PARD3B: variants seen among roughly 807,000 people sequenced by gnomAD.
The protein encoded by PARD3B is par-3 family cell polarity regulator beta.
A neutral mutation model predicts 130.2 loss-of-function variants in PARD3B; 103 were observed. That is an observed-to-expected ratio of 0.79 (90% CI 0.67 to 0.93). The LOEUF (loss-of-function observed/expected upper bound fraction) is 0.93. Among genes scored for constraint, PARD3B ranks in the 40% least tolerant of loss-of-function variants. The pLI is 0.00. For synonymous variants in PARD3B, 583 were observed against 553.2 expected, an observed-to-expected ratio of 1.05 and a Z score of -0.76; for missense variants, 1,609 against 1,499.2, an observed-to-expected ratio of 1.07 and a Z score of -1.21.
chr2:204,727,208 TTTTA>T (rs2039275107), intron 2 of PARD3B, among the ~76,000 whole-genome samples: 1 of 152,176 alleles, frequency 6.6e-6, no homozygotes, highest in African/African-American at 2.4e-5. Context: ...TGTTTGTTTG[TTTTA>T]TTTGTTTATT....
At chr2:204,877,432 G>A (rs1457237806) in intron 2 of PARD3B, among the ~76,000 whole-genome samples, 1 of 152,146 alleles carries the variant, frequency 6.6e-6, no homozygotes, top group Non-Finnish European at 1.5e-5. Context: ...AGTACTCAGT[G>A]AGATGGAAAC....
At chr2:205,308,115 T>G (rs1308026975) in intron 18 of PARD3B, among the ~76,000 whole-genome samples, 4 of 152,230 alleles carry the variant, frequency 2.6e-5, no homozygotes, top group African/African-American at 9.6e-5. Flanking sequence ...CATTCATAAT[T>G]ATTTTTATGC....
chr2:205,236,986 A>G (rs770548348), intron 15 of PARD3B, among the ~76,000 whole-genome samples: 1 of 152,236 alleles, frequency 6.6e-6, no homozygotes, highest in Non-Finnish European at 1.5e-5. Context: ...CTGAGCAAAG[A>G]GGGAAAGGAA....
chr2:205,360,694 G>A lies in PARD3B; in HGVS notation c.2631-40319G>A, dbSNP rs1268017192. Among the ~76,000 whole-genome samples, 11 of 152,164 alleles carry A rather than the reference G, an allele frequency of 7.2e-5. No individual in the cohort carries two copies. In the East Asian group the frequency reaches 2.1e-3, roughly 29 times the overall value. Reference sequence around the variant, plus strand: ...GGCCAGGTGCATGGGCTCTGGGGCTGAACTGCCCAGGTCTGAATCCCAGGT... The same window carrying A: ...GGCCAGGTGCATGGGCTCTGGGGCTAAACTGCCCAGGTCTGAATCCCAGGT... On this transcript the variant is annotated intron_variant, in intron 18 of 22. Transcript: ENST00000406610.
intron 1 of PARD3B, among the ~76,000 whole-genome samples, chr2:204,666,165 C>T (rs2036013486): frequency 6.6e-6 from 1 of 152,156 alleles, no homozygotes; most frequent in Admixed American, 6.6e-5. Flanking sequence ...GACATTGCCC[C>T]TGCTCTTGAG....
chr2:204,750,052 T>C (rs1446021681), intron 2 of PARD3B, among the ~76,000 whole-genome samples: 2 of 152,214 alleles, frequency 1.3e-5, no homozygotes, highest in African/African-American at 4.8e-5. Flanking sequence ...ATTTTCAAAG[T>C]ATGGCTCAAC....
At chr2:205,000,834 TG>T in intron 3 of PARD3B, among the ~76,000 whole-genome samples, 1 of 152,308 alleles carries the variant, frequency 6.6e-6, no homozygotes, top group African/African-American at 2.4e-5. Context: ...TGCAAGGTAC[TG>T]TCACTAGAAG....
intron 4 of PARD3B, among the ~76,000 whole-genome samples, chr2:205,085,820 G>T (rs1701708591): frequency 6.6e-6 from 1 of 151,852 alleles, no homozygotes; most frequent in African/African-American, 2.4e-5. Flanking sequence ...ATTCATTTGA[G>T]GAATGAAATA....
intron 20 of PARD3B, among the ~76,000 whole-genome samples, chr2:205,494,995 A>G (rs1274963934): frequency 6.6e-6 from 1 of 152,192 alleles, no homozygotes; most frequent in Non-Finnish European, 1.5e-5. Context: ...TTCAGCCTGC[A>G]GCAGTCATAG....
At chr2:204,625,110 G>C (rs1453273364) in intron 1 of PARD3B, among the ~76,000 whole-genome samples, 1 of 152,060 alleles carries the variant, frequency 6.6e-6, no homozygotes, top group Non-Finnish European at 1.5e-5. Context: ...TTATATTCTA[G>C]ATGAGTCCTT....
At chr2:205,430,708 G>A (rs949687627) in intron 19 of PARD3B, among the ~76,000 whole-genome samples, 3 of 152,140 alleles carry the variant, frequency 2.0e-5, no homozygotes, top group Admixed American at 2.0e-4. Context: ...ACTACAGGAA[G>A]ATCAACTTGG....
At chr2:204,784,433 A>G (rs2041940062) in intron 2 of PARD3B, among the ~76,000 whole-genome samples, 1 of 152,152 alleles carries the variant, frequency 6.6e-6, no homozygotes, top group South Asian at 2.1e-4. Context: ...TTTAAGTTGC[A>G]TGCTTAAAGG....
intron 2 of PARD3B, among the ~76,000 whole-genome samples, chr2:204,720,063 AT>A (rs35712262): frequency 0.27 from 41,512 of 151,998 alleles, 7,001 homozygotes; most frequent in African/African-American, 0.48. Context: ...TCTTTATGGC[AT>A]TTTTTTGTGA....
At chr2:204,676,296 A>G (rs553742689) in intron 1 of PARD3B, among the ~76,000 whole-genome samples, 29 of 152,204 alleles carry the variant, frequency 1.9e-4, no homozygotes, top group African/African-American at 6.3e-4. Flanking sequence ...TTGTTCATAA[A>G]TTAATGAATT....
intron 22 of PARD3B, among the ~76,000 whole-genome samples, chr2:205,605,544 T>A (rs1038207063): frequency 2.0e-5 from 3 of 152,158 alleles, no homozygotes; most frequent in African/African-American, 7.2e-5. Flanking sequence ...CCAGACCCTA[T>A]TCACCTGGGT....
chr2:204,586,184 C>T (rs2032816934), intron 1 of PARD3B, among the ~76,000 whole-genome samples: 1 of 152,142 alleles, frequency 6.6e-6, no homozygotes, highest in Non-Finnish European at 1.5e-5. Flanking sequence ...TATTTTCTTT[C>T]TAATGGCATT....
chr2:205,476,533 T>C (rs1460883006), intron 20 of PARD3B, among the ~76,000 whole-genome samples: 3 of 152,188 alleles, frequency 2.0e-5, no homozygotes, highest in African/African-American at 4.8e-5. Context: ...TGGGTCTATG[T>C]TGGGTTTGAA....
chr2:205,601,657 T>C (rs1455043668), intron 22 of PARD3B, among the ~76,000 whole-genome samples: 1 of 152,204 alleles, frequency 6.6e-6, no homozygotes, highest in Non-Finnish European at 1.5e-5. Flanking sequence ...CTTTAATCCA[T>C]CTTGAGTTAA....
chr2:204,870,836 C>A (rs1194384980), intron 2 of PARD3B, among the ~76,000 whole-genome samples: 1 of 151,980 alleles, frequency 6.6e-6, no homozygotes, highest in Non-Finnish European at 1.5e-5. Flanking sequence ...CTTAAATACC[C>A]ATTTGTTTTT....
Sources: gnomAD v4.1 joint callset for allele counts (sites outside exome capture counted in the v4.1 genomes callset) on GRCh38, gnomAD v4.1.1 for gene constraint, MANE v1.5 for transcripts, NCBI Gene and HGNC (gene_info 2026-07-23, HGNC 2026-07-21) for gene names.